Variants in CACNA1E observed in about 807,000 individuals in gnomAD.
The protein encoded by CACNA1E is voltage-dependent R-type calcium channel subunit alpha-1E.
A neutral mutation model predicts 259.2 loss-of-function variants in CACNA1E; 40 were observed. The observed-to-expected ratio is 0.15, with a 90% CI of 0.12 to 0.20. CACNA1E has a LOEUF of 0.20. Ranked by LOEUF, CACNA1E falls within the 10% of genes least tolerant of loss-of-function variation. The pLI is 1.00. For synonymous variants in CACNA1E, 1,104 were observed against 1,138.5 expected, an observed-to-expected ratio of 0.97 and a Z score of 0.61; for missense variants, 1,874 against 3,040.1, an observed-to-expected ratio of 0.62 and a Z score of 9.02.
intron 6 of CACNA1E, among the ~76,000 whole-genome samples, chr1:181,598,207 C>T (rs1386498366): frequency 6.6e-6 from 1 of 152,164 alleles, no homozygotes; most frequent in Non-Finnish European, 1.5e-5. Flanking sequence ...CATTGGAGTG[C>T]CGACCGATTA....
In CACNA1E at chr1:181,731,243, C is replaced by G. The variant is rs767619020; in HGVS notation, c.2297+12C>G. The G allele has an allele frequency of 3.7e-6, 6 of 1,609,806 alleles. No homozygotes were observed. Among genetic ancestry groups the G allele is most frequent in the Non-Finnish European group, 5.1e-6 (6 of 1,176,324 alleles). On this transcript the variant is annotated intron_variant, in intron 19 of 47. Transcript: ENST00000367573. ...CGCAGCAGCCACCTGTATGTGTGTA[C>G]CAGTTTGCGTGTTTGTGAGTGGTTA...
At chr1:181,554,205 G>T (rs1412959846) in intron 3 of CACNA1E, among the ~76,000 whole-genome samples, 1 of 152,058 alleles carries the variant, frequency 6.6e-6, no homozygotes, top group Non-Finnish European at 1.5e-5. Context: ...TATAGATGAG[G>T]TTTTGCCATG....
chr1:181,376,128 G>A (rs1655080103), intron 1 of CACNA1E, among the ~76,000 whole-genome samples: 1 of 152,182 alleles, frequency 6.6e-6, no homozygotes, highest in African/African-American at 2.4e-5. Context: ...AGTGAATGGA[G>A]CCAGGATAGG....
chr1:181,714,497 T>C (rs1653700479), intron 8 of CACNA1E, among the ~76,000 whole-genome samples: 1 of 152,094 alleles, frequency 6.6e-6, no homozygotes, highest in Non-Finnish European at 1.5e-5. Flanking sequence ...CCATCGGCCA[T>C]TGGCAATTAA....
chr1:181,726,233 T>A (rs570892274), intron 18 of CACNA1E, 71 bp downstream of exon 18: 2 of 1,089,644 alleles, frequency 1.8e-6, no homozygotes, highest in African/African-American at 1.5e-5. Context: ...CTCACAGAAC[T>A]ATTGGTTATA....
rs986142648 is a variant in CACNA1E, at chr1:181,801,072, C to T, written c.*2238C>T. ...GGGCCTTGTATTGCTTTTAAAGTTT[C>T]CTCTGCTCAGCATCATTTCATGCCA... is the stretch of plus-strand genomic sequence containing the variant. On this transcript the variant is annotated 3_prime_UTR_variant, in exon 48 of 48. Coordinates refer to ENST00000367573, the MANE Select transcript of CACNA1E (RefSeq NM_001205293.3). 6.5e-6 allele frequency: 1 copy of T among 152,676 alleles called. No homozygotes were observed. Among genetic ancestry groups the T allele is most frequent in the Non-Finnish European group, 1.5e-5 (1 of 68,060 alleles). 9.5% of individuals were successfully genotyped at this position (152,676 alleles called of 1,614,324 possible). A position where few individuals can be genotyped will look rare whatever the true frequency, so the allele number is the denominator to read the frequency against.
At chr1:181,725,084 G>A (rs190972383) in intron 17 of CACNA1E, among the ~76,000 whole-genome samples, 1 of 152,328 alleles carries the variant, frequency 6.6e-6, no homozygotes, top group East Asian at 1.9e-4. Context: ...CCAGTGTGGG[G>A]AGGTAATATT....
At chr1:181,448,953 G>A (rs1660974000) in intron 2 of CACNA1E, among the ~76,000 whole-genome samples, 2 of 152,254 alleles carry the variant, frequency 1.3e-5, no homozygotes, top group Non-Finnish European at 2.9e-5. Flanking sequence ...GACTGGCACA[G>A]AACGGCCTGG....
intron 30 of CACNA1E, among the ~76,000 whole-genome samples, chr1:181,757,372 C>T (rs1340254822): frequency 6.6e-6 from 1 of 152,166 alleles, no homozygotes; most frequent in East Asian, 1.9e-4. Flanking sequence ...TTTGTGTGCA[C>T]ATAGTCTAGA....
upstream of CACNA1E, among the ~76,000 whole-genome samples, chr1:181,482,262 G>A (rs1156242114): frequency 6.6e-6 from 1 of 152,232 alleles, no homozygotes; most frequent in Non-Finnish European, 1.5e-5. Flanking sequence ...TTACTAGGGC[G>A]GCGGCGGGCC....
At chr1:181,738,084 A>T (rs778895757) in intron 23 of CACNA1E, among the ~76,000 whole-genome samples, 4 of 152,328 alleles carry the variant, frequency 2.6e-5, no homozygotes, top group African/African-American at 9.6e-5. Context: ...AGGGACAGGT[A>T]TGTGGGCAAT....
intron 2 of CACNA1E, among the ~76,000 whole-genome samples, chr1:181,455,387 G>A (rs1195690199): frequency 1.3e-5 from 2 of 152,200 alleles, no homozygotes; most frequent in Non-Finnish European, 2.9e-5. Flanking sequence ...ATGTGGAGAG[G>A]TTTGGGGAGG....
At chr1:181,342,311 T>C (rs1652219149) in intron 1 of CACNA1E, among the ~76,000 whole-genome samples, 1 of 152,108 alleles carries the variant, frequency 6.6e-6, no homozygotes, top group African/African-American at 2.4e-5. Flanking sequence ...TATGATAAGA[T>C]GATTTTTGGA....
At chr1:181,484,031 T>C in intron 1 of CACNA1E, 21 bp downstream of exon 1, 1 of 1,607,500 alleles carries the variant, frequency 6.2e-7, no homozygotes, top group Non-Finnish European at 8.5e-7. Flanking sequence ...TTGCCCACCA[T>C]AACTCCCTCT....
At position 181,725,640 on chromosome 1, in the gene CACNA1E, C is replaced by T. The variant is rs563059872; in HGVS notation, c.2143-425C>T. Among the ~76,000 whole-genome samples, 44 of 152,372 alleles carry T rather than the reference C, an allele frequency of 2.9e-4. No individual in the cohort carries two copies. The South Asian group carries it at 6.6e-3, about 23-fold the overall frequency. Reference sequence around the variant, plus strand: ...AAGACACTACAATGGGGCACTCAGCCTCAGCACTTTACTTGGCGGGGTCCT... The same window carrying T: ...AAGACACTACAATGGGGCACTCAGCTTCAGCACTTTACTTGGCGGGGTCCT... On this transcript the variant is annotated intron_variant, in intron 17 of 47. Coordinates refer to ENST00000367573, the MANE Select transcript of CACNA1E (RefSeq NM_001205293.3).
intron 1 of CACNA1E, among the ~76,000 whole-genome samples, chr1:181,394,519 T>C (rs1656518511): frequency 6.6e-6 from 1 of 152,216 alleles, no homozygotes; most frequent in Admixed American, 6.5e-5. Flanking sequence ...GGCCCTTTTC[T>C]AGTTTAGATT....
intron 1 of CACNA1E, among the ~76,000 whole-genome samples, chr1:181,388,688 A>G (rs2102026436): frequency 6.6e-6 from 1 of 152,268 alleles, no homozygotes; most frequent in South Asian, 2.1e-4. Context: ...CGGGAGTTTG[A>G]GACCAGCCTG....
At chr1:181,621,965 C>G (rs971897771) in intron 6 of CACNA1E, among the ~76,000 whole-genome samples, 12 of 152,172 alleles carry the variant, frequency 7.9e-5, no homozygotes, top group African/African-American at 2.9e-4. Context: ...AAGGGGCATA[C>G]AAGACCCTGC....
At chr1:181,382,577 A>G (rs1289921866) in intron 1 of CACNA1E, among the ~76,000 whole-genome samples, 4 of 152,140 alleles carry the variant, frequency 2.6e-5, no homozygotes, top group Admixed American at 2.6e-4. Flanking sequence ...TGATGACCAA[A>G]TCATTTGGGC....
Sources: gnomAD v4.1 joint callset for allele counts (sites outside exome capture counted in the v4.1 genomes callset) on GRCh38, gnomAD v4.1.1 for gene constraint, MANE v1.5 for transcripts, NCBI Gene and HGNC (gene_info 2026-07-23, HGNC 2026-07-21) for gene names.